The following GALNTL6 variants were observed in gnomAD, a reference collection of about 807,000 sequenced individuals.
The protein encoded by GALNTL6 is polypeptide N-acetylgalactosaminyltransferase like 6, also known as polypeptide N-acetylgalactosaminyltransferase-like 6.
A neutral mutation model predicts 73.7 loss-of-function variants in GALNTL6; 46 were observed. The ratio of observed to expected loss-of-function variants is 0.62; its 90% confidence interval spans 0.49 to 0.80. GALNTL6 has a LOEUF of 0.80. Ranked by LOEUF, GALNTL6 falls within the 30% of genes least tolerant of loss-of-function variation. The pLI is 0.00. For synonymous variants in GALNTL6, 259 were observed against 263.7 expected (o/e 0.98, Z 0.17); for missense variants, 604 against 755.0 (o/e 0.80, Z 2.34).
chr4:172,932,822 C>T (rs887901557), intron 9 of GALNTL6, among the ~76,000 whole-genome samples: 1 of 152,140 alleles, frequency 6.6e-6, no homozygotes, highest in Admixed American at 6.5e-5. Context: ...TTTGTGGCAT[C>T]GTGTTAGCAC....
At chr4:172,310,158 A>G (rs1020023927) in intron 3 of GALNTL6, among the ~76,000 whole-genome samples, 2 of 152,194 alleles carry the variant, frequency 1.3e-5, no homozygotes, top group African/African-American at 4.8e-5. Flanking sequence ...TTCCAATGCA[A>G]GCATTGGCAT....
intron 8 of GALNTL6, among the ~76,000 whole-genome samples, chr4:172,911,626 A>G (rs777353356): frequency 9.2e-5 from 14 of 152,346 alleles, no homozygotes; most frequent in Middle Eastern, 3.4e-3. Flanking sequence ...AAATATTAAA[A>G]TGACTCTAAA....
intron 2 of GALNTL6, among the ~76,000 whole-genome samples, chr4:172,198,003 C>T (rs529479545): frequency 5.9e-5 from 9 of 151,896 alleles, no homozygotes; most frequent in South Asian, 2.1e-4. Flanking sequence ...CCCAGCTACT[C>T]GGGAGGCTGA....
rs113626764 is a variant in GALNTL6, at chr4:172,972,269, A to T, written c.1371+20011A>T. On this transcript the variant is annotated intron_variant, in intron 10 of 12. Transcript: ENST00000506823. ...ACCAAAATGAATAAGGATGTATAGAACCTAAACCATGTCATCAATAATGTA... is the reference window on the plus strand; with the variant it reads ...ACCAAAATGAATAAGGATGTATAGATCCTAAACCATGTCATCAATAATGTA... Among the ~76,000 whole-genome samples, 126 of 152,328 alleles carry T rather than the reference A, an allele frequency of 8.3e-4. 1 individual carries two copies. Among genetic ancestry groups the T allele is most frequent in the East Asian group, 8.1e-3 (42 of 5,192 alleles).
At chr4:172,547,025 C>A (rs1735797796) in intron 5 of GALNTL6, among the ~76,000 whole-genome samples, 1 of 151,476 alleles carries the variant, frequency 6.6e-6, no homozygotes, top group Non-Finnish European at 1.5e-5. Context: ...CTCCTGGCAG[C>A]CACCATTCTA....
At chr4:172,554,366 G>A (rs937044076) in intron 5 of GALNTL6, among the ~76,000 whole-genome samples, 7 of 152,084 alleles carry the variant, frequency 4.6e-5, no homozygotes, top group African/African-American at 1.7e-4. Flanking sequence ...AATTCTACCA[G>A]GAGCTAGAAT....
chr4:172,638,298 G>C (rs1205814452), intron 5 of GALNTL6, among the ~76,000 whole-genome samples: 6 of 152,104 alleles, frequency 3.9e-5, no homozygotes, highest in Non-Finnish European at 2.9e-5. Flanking sequence ...GATCTTAACT[G>C]GTTGTGGTCA....
At chr4:171,910,199 G>T (rs560200872) in intron 2 of GALNTL6, among the ~76,000 whole-genome samples, 1 of 151,958 alleles carries the variant, frequency 6.6e-6, no homozygotes, top group African/African-American at 2.4e-5. Flanking sequence ...TTGTTAAACC[G>T]TTGTTTATCC....
chr4:172,433,787 G>T (rs890871997), intron 5 of GALNTL6, among the ~76,000 whole-genome samples: 3 of 151,804 alleles, frequency 2.0e-5, no homozygotes, highest in Non-Finnish European at 4.4e-5. Flanking sequence ...ACCACTATTG[G>T]TTCTATTACT....
intron 10 of GALNTL6, among the ~76,000 whole-genome samples, chr4:173,008,396 A>C (rs1752389666): frequency 6.6e-6 from 1 of 152,220 alleles, no homozygotes; most frequent in African/African-American, 2.4e-5. Context: ...TTATCAACAC[A>C]TTCTTTGCCC....
intron 2 of GALNTL6, among the ~76,000 whole-genome samples, chr4:171,925,557 G>T (rs116264487): frequency 1.2e-3 from 185 of 152,290 alleles, no homozygotes; most frequent in African/African-American, 4.3e-3. Flanking sequence ...ATGAATTAAA[G>T]AAGCAACCTT....
rs143578694 is a variant in GALNTL6 at position 172,678,332 on chromosome 4, C to G, written c.554-131029C>G. On this transcript the variant is annotated intron_variant, in intron 5 of 12. Transcript: ENST00000506823. ...TTAGTCTTTTCTTTTAAAGAATCTC[C>G]GTTCTTTACTAATTACTATTTTTTT... Among the ~76,000 whole-genome samples the G allele has an allele frequency of 1.8e-4, 26 of 147,172 alleles. No individual in the cohort carries two copies. The East Asian group carries it at 5.2e-3, about 29-fold the overall frequency.
At chr4:172,393,743 G>A (rs919751830) in intron 5 of GALNTL6, among the ~76,000 whole-genome samples, 2 of 152,122 alleles carry the variant, frequency 1.3e-5, no homozygotes, top group South Asian at 4.1e-4. Flanking sequence ...TGGGCTTTAT[G>A]TAACTACTTT....
chr4:172,891,119 G>C (rs1484633539), intron 8 of GALNTL6, among the ~76,000 whole-genome samples: 4 of 131,854 alleles, frequency 3.0e-5, no homozygotes, highest in Non-Finnish European at 1.5e-5. Context: ...AGAAGGTTGG[G>C]CCTTTTTTTT....
rs542655400 is a variant in GALNTL6, at chr4:172,509,871, A to T, written c.553+161182A>T. 5.4e-5 allele frequency among the ~76,000 whole-genome samples: 3 copies of T among 55,064 alleles called. 1 individual carries two copies. The highest frequency in any genetic ancestry group is 1.4e-4 in the African/African-American group (3 of 22,066). 36.1% of individuals were successfully genotyped at this position (55,064 alleles called of 152,430 possible). A position where few individuals can be genotyped will look rare whatever the true frequency, so the allele number is the denominator to read the frequency against. On this transcript the variant is annotated intron_variant, in intron 5 of 12. Coordinates refer to ENST00000506823, the MANE Select transcript of GALNTL6 (RefSeq NM_001034845.3). Reference sequence around the variant, plus strand: ...TTGTAGTATAGTTTGGGGTAAGGTAATGTGATGCCTCCAGATTTGTTCTGT... The same window carrying T: ...TTGTAGTATAGTTTGGGGTAAGGTATTGTGATGCCTCCAGATTTGTTCTGT...
intron 2 of GALNTL6, among the ~76,000 whole-genome samples, chr4:172,003,617 C>T (rs909422747): frequency 3.3e-5 from 5 of 152,094 alleles, no homozygotes; most frequent in Admixed American, 6.6e-5. Context: ...ATCTTTAAGC[C>T]AATTTTCTAT....
intron 7 of GALNTL6, among the ~76,000 whole-genome samples, chr4:172,836,780 C>A (rs1353749406): frequency 6.6e-6 from 1 of 152,124 alleles, no homozygotes; most frequent in African/African-American, 2.4e-5. Flanking sequence ...AGTTTTAATT[C>A]CCAGTATCAA....
chr4:171,999,690 C>T (rs1168848725), intron 2 of GALNTL6, among the ~76,000 whole-genome samples: 3 of 152,000 alleles, frequency 2.0e-5, no homozygotes, highest in African/African-American at 7.2e-5. Flanking sequence ...TTTATATTAG[C>T]TTTATTTTCA....
chr4:171,832,217 A>C (rs555229005), intron 2 of GALNTL6, among the ~76,000 whole-genome samples: 18 of 151,608 alleles, frequency 1.2e-4, no homozygotes, highest in African/African-American at 4.3e-4. Context: ...TTCAGGTAAA[A>C]CAGTCAAATA....
Sources: gnomAD v4.1 joint callset for allele counts (sites outside exome capture counted in the v4.1 genomes callset) on GRCh38, gnomAD v4.1.1 for gene constraint, MANE v1.5 for transcripts, NCBI Gene and HGNC (gene_info 2026-07-23, HGNC 2026-07-21) for gene names.